ZNF521: variants seen among roughly 807,000 people sequenced by gnomAD.
ZNF521 encodes the protein zinc finger protein 521.
A neutral mutation model predicts 105.5 loss-of-function variants in ZNF521; 14 were observed. The ratio of observed to expected loss-of-function variants is 0.13; its 90% CI spans 0.09 to 0.21. The LOEUF is 0.21. ZNF521 is among the 10% of genes least tolerant of loss of function. The pLI, the probability that ZNF521 is intolerant of heterozygous loss-of-function variation, is 1.00. For synonymous variants in ZNF521, 635 were observed against 606.0 expected, an observed-to-expected ratio of 1.05 and a Z score of -0.70; for missense variants, 1,233 against 1,629.7, an observed-to-expected ratio of 0.76 and a Z score of 4.19.
At chr18:25,294,131 G>T (rs184992999) in intron 3 of ZNF521, among the ~76,000 whole-genome samples, 37 of 152,304 alleles carry the variant, frequency 2.4e-4, no homozygotes, top group Admixed American at 2.3e-3. Flanking sequence ...ACTCTGCAGT[G>T]CTGGTACTAC....
At chr18:25,204,308 G>C (rs1458636946) in intron 4 of ZNF521, among the ~76,000 whole-genome samples, 4 of 152,062 alleles carry the variant, frequency 2.6e-5, no homozygotes, top group Non-Finnish European at 5.9e-5. Context: ...TTTTTAAAAT[G>C]TTTTATTGAA....
intron 7 of ZNF521, among the ~76,000 whole-genome samples, chr18:25,077,741 T>C (rs2033396506): frequency 6.6e-6 from 1 of 152,134 alleles, no homozygotes; most frequent in South Asian, 2.1e-4. Context: ...AAATATTTCA[T>C]TGCAAATGGT....
At position 25,263,778 on chromosome 18, in the gene ZNF521, G is replaced by A. The variant is rs568765036; in HGVS notation, c.221-36081C>T. On this transcript the variant is annotated intron_variant, in intron 3 of 7. Coordinates refer to ENST00000361524, the MANE Select transcript of ZNF521 (RefSeq NM_015461.3). ...TTTTCAGTAGAGACGAGGTTTCACC[G>A]TGTTAACCAGGGTGGTCTCGAACTC... is the stretch of plus-strand genomic sequence containing the variant. Among the ~76,000 whole-genome samples, 100 of 152,136 alleles carry A rather than the reference G, an allele frequency of 6.6e-4. 1 individual carries two copies. The highest frequency in any genetic ancestry group is 1.1e-3 in the African/African-American group (44 of 41,534).
chr18:25,172,063 G>A (rs2035458367), intron 5 of ZNF521, among the ~76,000 whole-genome samples: 1 of 152,106 alleles, frequency 6.6e-6, no homozygotes, highest in Non-Finnish European at 1.5e-5. Flanking sequence ...GAGAGTACAT[G>A]TATTAATTGT....
chr18:25,283,933 C>CCA (rs377056731), intron 3 of ZNF521, among the ~76,000 whole-genome samples: 8,087 of 133,184 alleles, frequency 0.061, 338 homozygotes, highest in Non-Finnish European at 0.085. Context: ...CCCCCCCCCC[C>CCA]AAAAAAATTC....
intron 3 of ZNF521, among the ~76,000 whole-genome samples, chr18:25,260,849 A>G (rs971317762): frequency 6.6e-6 from 1 of 152,216 alleles, no homozygotes; most frequent in African/African-American, 2.4e-5. Flanking sequence ...AAACCCCATA[A>G]GGAACACAAG....
In ZNF521 at chr18:25,322,071, G is replaced by C. The variant is rs778159712; in HGVS notation, c.157C>G (p.Leu53Val). The C allele has an allele frequency of 1.2e-6, 2 of 1,614,160 alleles. No individual in the cohort carries two copies. Among genetic ancestry groups the C allele is most frequent in the Non-Finnish European group, 1.7e-6 (2 of 1,180,034 alleles). ...TCGCTCAGCGATTCAAACACCTGGA[G>C]GCAGCTGTCACAGCTGTGCACAGCT... is the stretch of plus-strand genomic sequence containing the variant. ...DEAVHSCDSC[L>V]QVFESLSDIT... The change falls in exon 3 of 8, where the codon CTC (leucine) becomes GTC (valine). Residue 53 changes from leucine to valine, a missense_variant. Physicochemically the swap from Leu to Val is conservative, Grantham distance 32. Transcript: ENST00000361524.
At chr18:25,086,714 G>C (rs1220929006) in intron 7 of ZNF521, among the ~76,000 whole-genome samples, 2 of 152,140 alleles carry the variant, frequency 1.3e-5, no homozygotes. Context: ...ATAATTTAGA[G>C]TTGTGGGATT....
At chr18:25,189,516 C>T (rs1378231877) in intron 5 of ZNF521, among the ~76,000 whole-genome samples, 3 of 152,132 alleles carry the variant, frequency 2.0e-5, no homozygotes, top group Non-Finnish European at 4.4e-5. Context: ...AGCAAATGTG[C>T]GGTTCTCAAA....
At chr18:25,255,836 A>G (rs1471205650) in intron 3 of ZNF521, among the ~76,000 whole-genome samples, 1 of 151,946 alleles carries the variant, frequency 6.6e-6, no homozygotes, top group Non-Finnish European at 1.5e-5. Flanking sequence ...CAGTATGTGC[A>G]TGTCCATGTT....
intron 3 of ZNF521, among the ~76,000 whole-genome samples, chr18:25,300,125 G>A (rs1033628546): frequency 9.9e-5 from 15 of 152,178 alleles, no homozygotes; most frequent in Non-Finnish European, 1.6e-4. Flanking sequence ...AAAGCCAGAC[G>A]AGACATGTGG....
At chr18:25,134,029 T>C (rs913052166) in intron 5 of ZNF521, among the ~76,000 whole-genome samples, 5 of 152,140 alleles carry the variant, frequency 3.3e-5, no homozygotes, top group Admixed American at 6.5e-5. Flanking sequence ...TCAGGAATAT[T>C]ACTACACTCT....
chr18:25,181,530 T>C (rs2035632273), intron 5 of ZNF521, among the ~76,000 whole-genome samples: 1 of 152,194 alleles, frequency 6.6e-6, no homozygotes, highest in African/African-American at 2.4e-5. Flanking sequence ...ACAATGTTCA[T>C]AGGAAACTAA....
intron 2 of ZNF521, among the ~76,000 whole-genome samples, chr18:25,337,107 TA>T (rs1201012426): frequency 6.6e-6 from 1 of 152,174 alleles, no homozygotes; most frequent in African/African-American, 2.4e-5. Context: ...CCCCATTTAA[TA>T]AATGTTTGCT....
At chr18:25,144,419 T>C (rs979401228) in intron 5 of ZNF521, among the ~76,000 whole-genome samples, 23 of 152,298 alleles carry the variant, frequency 1.5e-4, no homozygotes, top group Middle Eastern at 3.4e-3. Flanking sequence ...CCCTGTCTTA[T>C]ACAGCTGGGA....
At chr18:25,256,143 T>C (rs1486581878) in intron 3 of ZNF521, among the ~76,000 whole-genome samples, 1 of 151,500 alleles carries the variant, frequency 6.6e-6, no homozygotes, top group East Asian at 1.9e-4. Flanking sequence ...TTAAGCTAAG[T>C]GGAAAGTGCC....
intron 3 of ZNF521, among the ~76,000 whole-genome samples, chr18:25,271,551 T>C (rs555881374): frequency 2.4e-4 from 36 of 152,170 alleles, no homozygotes; most frequent in Non-Finnish European, 5.0e-4. Context: ...AGCAGCATAG[T>C]ACTGGTACCA....
intron 7 of ZNF521, among the ~76,000 whole-genome samples, chr18:25,068,959 C>T (rs1436735810): frequency 6.6e-6 from 1 of 152,200 alleles, no homozygotes; most frequent in Non-Finnish European, 1.5e-5. Flanking sequence ...ATCAGACTGA[C>T]ATATACCGCA....
intron 2 of ZNF521, chr18:25,327,419 G>C: frequency 8.6e-7 from 1 of 1,162,452 alleles, no homozygotes; most frequent in Non-Finnish European, 1.1e-6. Flanking sequence ...TAGCCTTCTA[G>C]GTTTCGTGAC....
Sources: gnomAD v4.1 joint callset for allele counts (sites outside exome capture counted in the v4.1 genomes callset) on GRCh38, gnomAD v4.1.1 for gene constraint, MANE v1.5 for transcripts, NCBI Gene and HGNC (gene_info 2026-07-23, HGNC 2026-07-21) for gene names.